Variants in DMD observed in about 807,000 individuals in gnomAD.
The protein encoded by DMD is mutant dystrophin.
Under a neutral mutation model 330.1 loss-of-function variants are expected in DMD, and 63 were observed. That is an observed-to-expected ratio of 0.19 (90% CI 0.16 to 0.24). The LOEUF (loss-of-function observed/expected upper bound fraction) is 0.24, where lower values mean the gene tolerates loss of function less well. Ranked by LOEUF, DMD falls within the 10% of genes least tolerant of loss-of-function variation. DMD has a pLI of 1.00. For missense variants in DMD, 3,344 were observed against 2,684.1 expected (o/e 1.25, Z -5.43); for synonymous variants, 1,223 against 959.8 (o/e 1.27, Z -5.07).
chrX:32,863,421 G>C (rs2082220632), intron 2 of DMD, among the ~76,000 whole-genome samples: 1 of 106,448 alleles, frequency 9.4e-6, no homozygotes, highest in Non-Finnish European at 1.9e-5. Context: ...GGAGGCTAAG[G>C]TGGGAGAGAA....
chrX:31,706,205 T>C (rs1243802215), intron 52 of DMD, among the ~76,000 whole-genome samples: 1 of 107,870 alleles, frequency 9.3e-6, no homozygotes, highest in Non-Finnish European at 1.9e-5. Flanking sequence ...AGCTACCTCA[T>C]TGTGGAAGCA....
chrX:32,252,044 C>T (rs2097265442), intron 43 of DMD, among the ~76,000 whole-genome samples: 1 of 111,651 alleles, frequency 9.0e-6, no homozygotes, highest in Admixed American at 9.6e-5. Context: ...AAAAAATAAA[C>T]TTGTAATGGT....
At chrX:33,307,907 C>T (rs747698089) in intron 1 of DMD, among the ~76,000 whole-genome samples, 1 of 111,665 alleles carries the variant, frequency 9.0e-6, no homozygotes, top group African/African-American at 3.3e-5. Context: ...CCTTTTTAAA[C>T]TGTAACATTC....
chrX:32,264,191 A>T (rs1040964280), intron 43 of DMD, among the ~76,000 whole-genome samples: 29 of 110,763 alleles, frequency 2.6e-4, no homozygotes, highest in Admixed American at 9.6e-4. Context: ...TGATGGTTTC[A>T]TAAGGGGCTT....
intron 1 of DMD, among the ~76,000 whole-genome samples, chrX:33,031,587 G>T (rs1035378664): frequency 1.8e-5 from 2 of 110,721 alleles, no homozygotes; most frequent in African/African-American, 6.6e-5. Context: ...CCTGATCAAC[G>T]CAGTGAAGCC....
At chrX:32,900,475 C>A (rs1220716491) in intron 2 of DMD, among the ~76,000 whole-genome samples, 31 of 111,467 alleles carry the variant, frequency 2.8e-4, no homozygotes, top group African/African-American at 9.5e-4. Context: ...TCCTGAGTAG[C>A]TAGGACTATA....
At chrX:32,486,045 G>C (rs1405103446) in intron 20 of DMD, among the ~76,000 whole-genome samples, 1 of 109,894 alleles carries the variant, frequency 9.1e-6, no homozygotes, top group Non-Finnish European at 1.9e-5. Flanking sequence ...CCAGCCAATT[G>C]CCACTTTTTA....
intron 44 of DMD, among the ~76,000 whole-genome samples, chrX:32,120,086 A>G (rs1043366787): frequency 8.9e-6 from 1 of 112,308 alleles, no homozygotes; most frequent in Non-Finnish European, 1.9e-5. Flanking sequence ...CAGACATTAA[A>G]TTTTCAGAAG....
intron 7 of DMD, among the ~76,000 whole-genome samples, chrX:32,738,525 T>C (rs1033818746): frequency 8.9e-5 from 10 of 111,871 alleles, no homozygotes; most frequent in African/African-American, 3.2e-4. Context: ...GTAAAGTAGC[T>C]GGCACATAAT....
chrX:32,680,273 C>A (rs1019888717), intron 9 of DMD, among the ~76,000 whole-genome samples: 5 of 111,011 alleles, frequency 4.5e-5, no homozygotes, highest in African/African-American at 1.6e-4. Context: ...ACACATATGA[C>A]CATGAAAATA....
At chrX:32,985,099 T>C (rs1301827630) in intron 2 of DMD, among the ~76,000 whole-genome samples, 1 of 112,487 alleles carries the variant, frequency 8.9e-6, no homozygotes, top group Non-Finnish European at 1.9e-5. Flanking sequence ...GCTTTCGCAG[T>C]TTCTATCTTA....
chrX:33,127,751 G>A (rs994808467), intron 1 of DMD, among the ~76,000 whole-genome samples: 1 of 110,612 alleles, frequency 9.0e-6, no homozygotes, highest in African/African-American at 3.3e-5. Flanking sequence ...TGTAGTCTAC[G>A]TCCTTAGAAA....
intron 5 of DMD, among the ~76,000 whole-genome samples, chrX:32,820,084 AG>A (rs966685281): frequency 8.9e-6 from 1 of 111,800 alleles, no homozygotes; most frequent in African/African-American, 3.3e-5. Context: ...TCTCAGACAA[AG>A]AAAGATTTAA....
intron 60 of DMD, among the ~76,000 whole-genome samples, chrX:31,416,476 T>C (rs747135692): frequency 8.9e-6 from 1 of 112,500 alleles, no homozygotes; most frequent in East Asian, 2.8e-4. Context: ...TGGTCTCCAA[T>C]GGCCTTGTAT....
At chrX:31,842,750 A>G (rs1395968355) in intron 48 of DMD, among the ~76,000 whole-genome samples, 4 of 111,946 alleles carry the variant, frequency 3.6e-5, no homozygotes, top group Non-Finnish European at 7.5e-5. Context: ...TAAGGGGTAC[A>G]TGTGCAGGTT....
chrX:32,599,792 G>A (rs764251655), intron 12 of DMD, among the ~76,000 whole-genome samples: 2 of 111,633 alleles, frequency 1.8e-5, no homozygotes, highest in African/African-American at 6.5e-5. Context: ...TTTTATTAAA[G>A]GAATGCTTTT....
chrX:32,545,632 A>G (rs768939128), intron 16 of DMD, among the ~76,000 whole-genome samples: 1 of 111,487 alleles, frequency 9.0e-6, no homozygotes, highest in African/African-American at 3.3e-5. Flanking sequence ...TGTAGAGTAT[A>G]ATTCATTCTG....
At chrX:31,417,759 C>T (rs1360331528) in intron 60 of DMD, among the ~76,000 whole-genome samples, 46 of 106,128 alleles carry the variant, frequency 4.3e-4, no homozygotes, top group Non-Finnish European at 1.3e-4. Context: ...GGGATCTTGG[C>T]TCACTGCAAC....
chrX:32,316,019 G>A lies in DMD; in HGVS notation c.5923-5743C>T, dbSNP rs1298613853. ...TGAAGAAGCTCTTATTAACCTGATC[G>A]AAATACTCTTAAAAGAAATATTAGC... On this transcript the variant is annotated intron_variant, in intron 41 of 78. Transcript: ENST00000357033. Among the ~76,000 whole-genome samples, 7 of 111,026 alleles carry A rather than the reference G, an allele frequency of 6.3e-5. No individual in the cohort carries two copies. The East Asian group carries it at 1.7e-3, about 27-fold the overall frequency.
Sources: gnomAD v4.1 joint callset for allele counts (sites outside exome capture counted in the v4.1 genomes callset) on GRCh38, gnomAD v4.1.1 for gene constraint, MANE v1.5 for transcripts, NCBI Gene and HGNC (gene_info 2026-07-23, HGNC 2026-07-21) for gene names.